PHF1: variants seen among roughly 807,000 people sequenced by gnomAD.
The protein encoded by PHF1 is PHD finger protein 1.
Under a neutral mutation model 69.4 loss-of-function variants are expected in PHF1, and 16 were observed. The ratio of observed to expected loss-of-function variants is 0.23; its 90% CI spans 0.16 to 0.35. The LOEUF (loss-of-function observed/expected upper bound fraction) is 0.35. Ranked by LOEUF, PHF1 falls within the 10% of genes least tolerant of loss-of-function variation. PHF1 has a pLI of 1.00. For synonymous variants in PHF1, 274 were observed against 275.0 expected (o/e 1.00, Z 0.04); for missense variants, 515 against 732.8 (o/e 0.70, Z 3.43).
Position 33,414,875 on chromosome 6 carries a change from C to T in PHF1, c.1049+46C>T, listed in dbSNP as rs778774083. The stretch of plus-strand genomic sequence containing the variant: ...GGGGGAAATTCTCAGGGTGTTAGTC[C>T]TGGGGGGTATATGTATAGAGATGGG... On this transcript the variant is annotated intron_variant, in intron 11 of 14. Coordinates refer to ENST00000374516, the MANE Select transcript of PHF1 (RefSeq NM_024165.3). This position sits in a 1 kb window ranked among gnomAD's most constrained non-coding sequence, Gnocchi z 5.0. The T allele has an allele frequency of 2.6e-6, 4 of 1,543,508 alleles. No individual in the cohort carries two copies. The highest frequency in any genetic ancestry group is 2.6e-6 in the Non-Finnish European group (3 of 1,140,536).
In PHF1 at chr6:33,412,518, C is replaced by T. The variant is rs891608377; in HGVS notation, c.170C>T (p.Ala57Val). Reference sequence around the variant, plus strand: ...GCTCACCCATTCCAGGTGGACAGTGCTAGGGAGGTGTGTCTGGTCCAGTTT... The same window carrying T: ...GCTCACCCATTCCAGGTGGACAGTGTTAGGGAGGTGTGTCTGGTCCAGTTT... The part of the protein sequence containing the change: ...YLGTIKKVDS[A>V]REVCLVQFED... The change falls in exon 3 of 15, where the codon GCT becomes GTT. Residue 57 changes from alanine (A) to valine (V), a missense_variant. Physicochemically the swap from Ala to Val is moderately conservative, Grantham distance 64 (BLOSUM62 0). Coordinates refer to ENST00000374516, the MANE Select transcript of PHF1 (RefSeq NM_024165.3). The surrounding 1 kb of genome is among the most constrained non-coding windows in gnomAD (Gnocchi z 4.2). 4 of 1,614,112 alleles carry T rather than the reference C, an allele frequency of 2.5e-6. No homozygotes were observed. The African/African-American group carries it at 5.3e-5, about 22-fold the overall frequency.
chr6:33,413,761 C>T lies in PHF1; in HGVS notation c.613C>T (p.Arg205Trp), dbSNP rs372034637. The change falls in exon 7 of 15, where the codon CGG becomes TGG. Residue 205 changes from arginine (R) to tryptophan (W), a missense_variant. This residue lies in a region of PHF1 where 142 missense variants were observed against 309.7 expected (regional missense o/e 0.46). Coordinates refer to ENST00000374516, the MANE Select transcript of PHF1 (RefSeq NM_024165.3). ...GEWNLKMLQC[R>W]SCLQWFHEAC... ...GTGGAACCTGAAAATGCTGCAGTGC[C>T]GGAGCTGCCTGCAGTGGTTCCATGA... The T allele has an allele frequency of 4.2e-5, 68 of 1,613,798 alleles. No homozygotes were observed. The highest frequency in any genetic ancestry group is 1.1e-4 in the African/African-American group (8 of 74,990).
chr6:33,415,524 A>G, intron 13 of PHF1, 66 bp from the exon 14 acceptor site: 2 of 1,527,226 alleles, frequency 1.3e-6, no homozygotes, highest in South Asian at 2.2e-5. Context: ...TGAGCTCTGC[A>G]CTTCCCAGGG....
rs41267647 is a variant in PHF1 at position 33,414,680 on chromosome 6, G to A, written c.945-45G>A. 191,599 of 1,578,674 alleles carry A rather than the reference G, an allele frequency of 0.12. 13,118 individuals are homozygous for A. Among genetic ancestry groups the A allele is most frequent in the Middle Eastern group, 0.14 (855 of 5,980 alleles). On this transcript the variant is annotated intron_variant, in intron 10 of 14. Transcript: ENST00000374516. This position sits in a 1 kb window ranked among gnomAD's most constrained non-coding sequence, Gnocchi z 5.0. ...TTGAGGAATGGCGTAAGGAGGAACC[G>A]TTTTTTACAGCACTGACCCTATATC...
rs755448100 is a variant in PHF1, at chr6:33,415,583, A to T, written c.1335-7A>T. 10 of 1,613,244 alleles carry T rather than the reference A, an allele frequency of 6.2e-6. No homozygotes were observed. In the South Asian group the frequency reaches 9.9e-5, roughly 16 times the overall value. ...TCAGGTCCTGACTTTCCCCACTCCA[A>T]CCCCAGCAGCCCCATCCGGATGTTT... On this transcript the variant is annotated splice_polypyrimidine_tract_variant and splice_region_variant and intron_variant, in intron 13 of 14. Coordinates refer to ENST00000374516, the MANE Select transcript of PHF1 (RefSeq NM_024165.3).
intron 13 of PHF1, 71 bp downstream of exon 13, chr6:33,415,400 C>G (rs1464351888): frequency 3.3e-5 from 45 of 1,362,556 alleles, no homozygotes; most frequent in Non-Finnish European, 4.6e-5. Context: ...CTTTATCACC[C>G]AGAATTCTTT....
rs373264072 is a variant in PHF1 at position 33,414,679 on chromosome 6, C to G, written c.945-46C>G. The G allele has an allele frequency of 1.3e-6, 2 of 1,572,546 alleles. No individual in the cohort carries two copies. The highest frequency in any genetic ancestry group is 2.2e-5 in the South Asian group (2 of 89,500). ...ATTGAGGAATGGCGTAAGGAGGAAC[C>G]GTTTTTTACAGCACTGACCCTATAT... is the stretch of plus-strand genomic sequence containing the variant. On this transcript the variant is annotated intron_variant, in intron 10 of 14. Coordinates refer to ENST00000374516, the MANE Select transcript of PHF1 (RefSeq NM_024165.3). The surrounding 1 kb of genome is among the most constrained non-coding windows in gnomAD (Gnocchi z 5.0).
chr6:33,415,222 C>A lies in PHF1; in HGVS notation c.1240-13C>A, dbSNP rs747440623. 2.3e-5 allele frequency: 37 copies of A among 1,612,498 alleles called. No individual in the cohort carries two copies. In the Admixed American group the frequency reaches 6.0e-4, roughly 26 times the overall value. On this transcript the variant is annotated splice_polypyrimidine_tract_variant and intron_variant, in intron 12 of 14. Coordinates refer to ENST00000374516, the MANE Select transcript of PHF1 (RefSeq NM_024165.3). ...TCAAGGATTATCTCTCAGTCCTTTG[C>A]CCCCTCTTCTAGGCCTCAGTGTCTC...
chr6:33,415,210 C>G (rs1248993036), intron 12 of PHF1, 25 bp from the exon 13 acceptor site: 2 of 1,611,520 alleles, frequency 1.2e-6, no homozygotes, highest in Non-Finnish European at 1.7e-6. Context: ...AGGATTATCT[C>G]TCAGTCCTTT....
intron 4 of PHF1, 183 bp from the exon 5 acceptor site, chr6:33,413,013 A>G: frequency 1.4e-6 from 1 of 701,642 alleles, no homozygotes; most frequent in Non-Finnish European, 2.5e-6. Context: ...TTTTCTAACC[A>G]TATGACCTCG....
chr6:33,413,862 A>G (rs751618943), intron 7 of PHF1, 31 bp downstream of exon 7: 1 of 1,592,370 alleles, frequency 6.3e-7, no homozygotes, highest in Non-Finnish European at 8.6e-7. Flanking sequence ...CTAGGAGCCA[A>G]GGATGCCCTC....
In PHF1 at chr6:33,414,667, G is replaced by C. The variant is rs548473658; in HGVS notation, c.945-58G>C. On this transcript the variant is annotated intron_variant, in intron 10 of 14. Transcript: ENST00000374516. This position sits in a 1 kb window ranked among gnomAD's most constrained non-coding sequence, Gnocchi z 5.0. ...TGACTGAAAAGGATTGAGGAATGGC[G>C]TAAGGAGGAACCGTTTTTTACAGCA... The C allele has an allele frequency of 6.4e-7, 1 of 1,558,738 alleles. No individual in the cohort carries two copies. Among genetic ancestry groups the C allele is most frequent in the African/African-American group, 1.4e-5 (1 of 73,838 alleles).
rs767446720 is a variant in PHF1, at chr6:33,414,876, T to TG, written c.1049+53dup. ...GGGGAAATTCTCAGGGTGTTAGTCC[T>TG]GGGGGGTATATGTATAGAGATGGGG... is the stretch of plus-strand genomic sequence containing the variant. On this transcript the variant is annotated intron_variant, in intron 11 of 14. Transcript: ENST00000374516. This position sits in a 1 kb window ranked among gnomAD's most constrained non-coding sequence, Gnocchi z 5.0. 22 of 1,361,114 alleles carry TG rather than the reference T, an allele frequency of 1.6e-5. No individual in the cohort carries two copies. The South Asian group carries it at 1.8e-4, about 11-fold the overall frequency. 84.3% of individuals were successfully genotyped at this position (1,361,114 alleles called of 1,614,324 possible). A position where few individuals can be genotyped will look rare whatever the true frequency, so the allele number is the denominator to read the frequency against.
In PHF1 at chr6:33,414,124, G is replaced by T. The variant is rs756571844; in HGVS notation, c.752+15G>T. On this transcript the variant is annotated intron_variant, in intron 8 of 14. Transcript: ENST00000374516. This position sits in a 1 kb window ranked among gnomAD's most constrained non-coding sequence, Gnocchi z 5.0. ...CAGCTTCGCTGGTGAGCTGGATTGG[G>T]CATGACCTCAGTGTAACTCCACACC... is the stretch of plus-strand genomic sequence containing the variant. 3 of 1,614,050 alleles carry T rather than the reference G, an allele frequency of 1.9e-6. No individual in the cohort carries two copies. Among genetic ancestry groups the T allele is most frequent in the Admixed American group, 3.3e-5 (2 of 60,010 alleles).
At position 33,414,618 on chromosome 6, in the gene PHF1, GC is replaced by G. The variant is rs1776300288; in HGVS notation, c.944+75del. 1 of 1,565,690 alleles carries G rather than the reference GC, an allele frequency of 6.4e-7. No individual in the cohort carries two copies. On this transcript the variant is annotated intron_variant, in intron 10 of 14. Transcript: ENST00000374516. This position sits in a 1 kb window ranked among gnomAD's most constrained non-coding sequence, Gnocchi z 5.0. ...AGAGTGGAAGCCTGGAAGGGGAGGG[GC>G]TTGCAACCCACCTGGAAGACTGTGA...
intron 1 of PHF1, among the ~76,000 whole-genome samples, chr6:33,411,717 TGTTA>T (rs1223812365): frequency 1.3e-5 from 2 of 151,858 alleles, no homozygotes; most frequent in African/African-American, 4.8e-5. Flanking sequence ...GGGGGAGGGC[TGTTA>T]GTTACCGAGA....
At chr6:33,413,027 A>G (rs2235982) in intron 4 of PHF1, 169 bp from the exon 5 acceptor site, 82,385 of 728,836 alleles carry the variant, frequency 0.11, 5,664 homozygotes, top group Middle Eastern at 0.15. Context: ...GACCTCGGAC[A>G]AGTCCCTTAA....
Position 33,414,581 on chromosome 6 carries a change from G to C in PHF1, c.944+37G>C, listed in dbSNP as rs199696309. The C allele has an allele frequency of 6.2e-7, 1 of 1,603,680 alleles. No homozygotes were observed. Among genetic ancestry groups the C allele is most frequent in the Non-Finnish European group, 8.5e-7 (1 of 1,170,790 alleles). ...GGAAGAGGAGGCAAGGATGAGGCTC[G>C]GAAAGAGATGGAGAGTGGAAGCCTG... On this transcript the variant is annotated intron_variant, in intron 10 of 14. Coordinates refer to ENST00000374516, the MANE Select transcript of PHF1 (RefSeq NM_024165.3). This position sits in a 1 kb window ranked among gnomAD's most constrained non-coding sequence, Gnocchi z 5.0.
chr6:33,412,555 G>A lies in PHF1; in HGVS notation c.207G>A (p.Ser69=), dbSNP rs190884716. The A allele has an allele frequency of 6.8e-5, 110 of 1,614,196 alleles. No homozygotes were observed. The East Asian group carries it at 1.0e-3, about 15-fold the overall frequency. The change falls in exon 3 of 15, where the codon TCG becomes TCA. Residue 69 remains serine (S), a synonymous_variant. Transcript: ENST00000374516. The surrounding 1 kb of genome is among the most constrained non-coding windows in gnomAD (Gnocchi z 4.2). ...GTCTGGTCCAGTTTGAGGATGATTC[G>A]CAGTTTCTGGTTCTATGGAAAGACA... ...EVCLVQFEDD[S]QFLVLWKDIS...
Sources: allele counts gnomAD v4.1 joint callset (sites outside exome capture counted in the v4.1 genomes callset), GRCh38; gene constraint gnomAD v4.1.1; regional missense constraint gnomAD v4.1.1; non-coding constraint Gnocchi (gnomAD v3.1); transcripts MANE v1.5; gene names NCBI Gene and HGNC (gene_info 2026-07-23, HGNC 2026-07-21).